Variants in MITF observed in about 807,000 individuals in gnomAD.
MITF encodes the protein melanocyte inducing transcription factor, also known as microphthalmia-associated transcription factor.
Under a neutral mutation model 60.5 loss-of-function variants are expected in MITF, and 17 were observed. The observed-to-expected ratio is 0.28, with a 90% CI of 0.19 to 0.42. The LOEUF is 0.42. MITF is among the 10% of genes least tolerant of loss of function. MITF has a pLI of 1.00. For synonymous variants in MITF, 260 were observed against 248.5 expected (o/e 1.05, Z -0.43); for missense variants, 622 against 683.5 (o/e 0.91, Z 1.00).
At chr3:69,898,948 C>T (rs1397357887) in intron 2 of MITF, among the ~76,000 whole-genome samples, 1 of 152,126 alleles carries the variant, frequency 6.6e-6, no homozygotes, top group Non-Finnish European at 1.5e-5. Flanking sequence ...CCTTGTTCTC[C>T]TGGGGCTTAC....
At chr3:69,826,851 G>T (rs1470678994) in intron 1 of MITF, among the ~76,000 whole-genome samples, 4 of 152,156 alleles carry the variant, frequency 2.6e-5, no homozygotes, top group Admixed American at 2.6e-4. Flanking sequence ...GTATCTGGTT[G>T]CTTGTACACA....
chr3:69,912,240 A>G (rs2065239793), intron 2 of MITF, among the ~76,000 whole-genome samples: 1 of 152,264 alleles, frequency 6.6e-6, no homozygotes, highest in Non-Finnish European at 1.5e-5. Flanking sequence ...GGATGACTAC[A>G]CATCAAATTC....
intron 1 of MITF, among the ~76,000 whole-genome samples, chr3:69,745,781 C>T (rs1208646431): frequency 1.3e-5 from 2 of 152,144 alleles, no homozygotes; most frequent in African/African-American, 2.4e-5. Context: ...CATCTGTGTT[C>T]AAGAAACTTA....
At chr3:69,880,131 G>A (rs1170502702) in intron 2 of MITF, among the ~76,000 whole-genome samples, 1 of 152,124 alleles carries the variant, frequency 6.6e-6, no homozygotes, top group East Asian at 1.9e-4. Context: ...GAAAGTAGAG[G>A]AACTTCCTTA....
intron 2 of MITF, among the ~76,000 whole-genome samples, chr3:69,928,544 G>A (rs1450327189): frequency 6.6e-6 from 1 of 152,170 alleles, no homozygotes; most frequent in Non-Finnish European, 1.5e-5. Flanking sequence ...TGAAAAGTAA[G>A]TGCTCATTGA....
Position 69,792,416 on chromosome 3 carries a change from C to T in MITF, c.104+52715C>T, listed in dbSNP as rs188630494. Among the ~76,000 whole-genome samples, 6 of 151,924 alleles carry T rather than the reference C, an allele frequency of 3.9e-5. No individual in the cohort carries two copies. In the East Asian group the frequency reaches 9.7e-4, roughly 25 times the overall value. On this transcript the variant is annotated intron_variant, in intron 1 of 9. Transcript: ENST00000352241. ...CTCTCATCTCCTTGCTTTTTCCTTC[C>T]CTCCCTTCTTAAGCTCAAGCTTTCA... is the stretch of plus-strand genomic sequence containing the variant.
At chr3:69,808,490 TA>T (rs994921231) in intron 1 of MITF, among the ~76,000 whole-genome samples, 2 of 152,050 alleles carry the variant, frequency 1.3e-5, no homozygotes, top group Admixed American at 1.3e-4. Flanking sequence ...TTTATAGCTG[TA>T]AAAAAATGAT....
rs139867195 is a variant in MITF, at chr3:69,796,260, C to T, written c.104+56559C>T. ...CCTCCTAAAGTGCTGGGATTACAGGCATGAGCCACTGCGCCTGGCCTCTGT... is the reference window on the plus strand; with the variant it reads ...CCTCCTAAAGTGCTGGGATTACAGGTATGAGCCACTGCGCCTGGCCTCTGT... On this transcript the variant is annotated intron_variant, in intron 1 of 9. Coordinates refer to ENST00000352241, the MANE Select transcript of MITF (RefSeq NM_001354604.2). 1.2e-3 allele frequency among the ~76,000 whole-genome samples: 189 copies of T among 152,114 alleles called. 3 individuals carry two copies. The highest frequency in any genetic ancestry group is 4.3e-3 in the African/African-American group (178 of 41,498).
chr3:69,783,725 T>G (rs2062604636), intron 1 of MITF, among the ~76,000 whole-genome samples: 1 of 152,132 alleles, frequency 6.6e-6, no homozygotes, highest in Non-Finnish European at 1.5e-5. Flanking sequence ...GTATGTGTAT[T>G]TCTAAAAGTG....
intron 1 of MITF, among the ~76,000 whole-genome samples, chr3:69,745,953 G>A (rs751187735): frequency 9.2e-5 from 14 of 152,156 alleles, no homozygotes; most frequent in Non-Finnish European, 1.6e-4. Context: ...TTTTCTAGTA[G>A]AATTTTACTA....
rs1420954464 is a variant in MITF, at chr3:69,965,279, C to G, written c.*31C>G. 1 of 1,604,728 alleles carries G rather than the reference C, an allele frequency of 6.2e-7. No individual in the cohort carries two copies. Among genetic ancestry groups the G allele is most frequent in the Admixed American group, 1.7e-5 (1 of 59,878 alleles). ...CCTCCCTGCACTGCATTCGCACAAACTGCTTCCTTTCTTGATTCGTAGATT... is the reference window on the plus strand; with the variant it reads ...CCTCCCTGCACTGCATTCGCACAAAGTGCTTCCTTTCTTGATTCGTAGATT... On this transcript the variant is annotated 3_prime_UTR_variant, in exon 10 of 10. Transcript: ENST00000352241.
At chr3:69,830,662 C>A (rs574150194) in intron 1 of MITF, among the ~76,000 whole-genome samples, 2 of 152,294 alleles carry the variant, frequency 1.3e-5, no homozygotes, top group African/African-American at 4.8e-5. Flanking sequence ...ATCCCCCACA[C>A]TTTGAACCTG....
chr3:69,846,002 T>G (rs1381651548), intron 1 of MITF, among the ~76,000 whole-genome samples: 1 of 152,180 alleles, frequency 6.6e-6, no homozygotes, highest in Non-Finnish European at 1.5e-5. Context: ...GAGCAGTAAA[T>G]AAAAGAGGCA....
At chr3:69,847,687 A>G (rs146786628) in intron 1 of MITF, among the ~76,000 whole-genome samples, 37 of 152,310 alleles carry the variant, frequency 2.4e-4, no homozygotes, top group African/African-American at 8.2e-4. Context: ...GTGAAAAATC[A>G]TTTCTTTCAC....
At chr3:69,808,301 C>A (rs985891169) in intron 1 of MITF, among the ~76,000 whole-genome samples, 1 of 151,878 alleles carries the variant, frequency 6.6e-6, no homozygotes, top group Admixed American at 6.6e-5. Flanking sequence ...AGTTATATGC[C>A]TTTGAGAGTC....
chr3:69,956,136 T>C (rs1400212803), intron 7 of MITF, among the ~76,000 whole-genome samples: 2 of 152,202 alleles, frequency 1.3e-5, no homozygotes, highest in African/African-American at 4.8e-5. Context: ...CCAGATATTG[T>C]TGGATGTCCT....
chr3:69,938,861 TA>T, intron 3 of MITF: 1 of 1,431,238 alleles, frequency 7.0e-7, no homozygotes, highest in South Asian at 1.5e-5. Flanking sequence ...CTAGAGGGAC[TA>T]AAATCTTTGC....
At chr3:69,798,690 A>G (rs922546114) in intron 1 of MITF, among the ~76,000 whole-genome samples, 1 of 152,094 alleles carries the variant, frequency 6.6e-6, no homozygotes, top group Non-Finnish European at 1.5e-5. Context: ...GCCTTTGCCA[A>G]CCTCCCTGGT....
chr3:69,906,855 T>C (rs1313301424), intron 2 of MITF, among the ~76,000 whole-genome samples: 2 of 152,162 alleles, frequency 1.3e-5, no homozygotes, highest in Non-Finnish European at 2.9e-5. Context: ...TGGATGTGAA[T>C]GAAAATAGGA....
Sources: allele counts gnomAD v4.1 joint callset (sites outside exome capture counted in the v4.1 genomes callset), GRCh38; gene constraint gnomAD v4.1.1; transcripts MANE v1.5; gene names NCBI Gene and HGNC (gene_info 2026-07-23, HGNC 2026-07-21).